CEP120: variants seen among roughly 807,000 people sequenced by gnomAD.
CEP120 encodes the protein centrosomal protein of 120 kDa.
A neutral mutation model predicts 126.5 loss-of-function variants in CEP120; 113 were observed. The ratio of observed to expected loss-of-function variants is 0.89; its 90% CI spans 0.77 to 1.04. The LOEUF is 1.04. Ranked by LOEUF, CEP120 falls within the 50% of genes least tolerant of loss-of-function variation. CEP120 has a pLI of 0.00. For synonymous variants in CEP120, 400 were observed against 394.3 expected, an observed-to-expected ratio of 1.01 and a Z score of -0.17; for missense variants, 1,230 against 1,155.7, an observed-to-expected ratio of 1.06 and a Z score of -0.93.
Position 123,352,722 on chromosome 5 carries a change from G to A in CEP120, c.2581-2633C>T, listed in dbSNP as rs77252460. Among the ~76,000 whole-genome samples, 281 of 152,046 alleles carry A rather than the reference G, an allele frequency of 1.8e-3. 1 individual carries two copies. Among genetic ancestry groups the A allele is most frequent in the South Asian group, 0.011 (51 of 4,830 alleles). On this transcript the variant is annotated intron_variant, in intron 18 of 19. Transcript: ENST00000306467. ...TTTCTAAGGCTAAAAAAAACCTGCT[G>A]AGATTTTATGATGATTATATTGAAT...
chr5:123,371,598 A>G (rs1310339334), intron 17 of CEP120, among the ~76,000 whole-genome samples: 1 of 152,118 alleles, frequency 6.6e-6, no homozygotes, highest in Non-Finnish European at 1.5e-5. Flanking sequence ...TCTGTTGTCC[A>G]GTGAACTAGA....
chr5:123,416,118 C>T lies in CEP120; in HGVS notation c.213G>A (p.Gln71=), dbSNP rs1276747636. The change falls in exon 3 of 20, where the codon CAG becomes CAA. Residue 71 remains glutamine (Q), a synonymous_variant. Transcript: ENST00000306467. ...DRKALHQHRL[Q]RTPIKLQCFA... Reference sequence around the variant, plus strand: ...AACATTGGAGTTTGATAGGAGTACGCTGTAGCCTATAACAAAACATGTGAT... The same window carrying T: ...AACATTGGAGTTTGATAGGAGTACGTTGTAGCCTATAACAAAACATGTGAT... 10 of 1,597,564 alleles carry T rather than the reference C, an allele frequency of 6.3e-6. No individual in the cohort carries two copies. The highest frequency in any genetic ancestry group is 1.7e-4 in the Middle Eastern group (1 of 6,020).
In CEP120 at chr5:123,372,604, A is replaced by G. The variant is rs745472970; in HGVS notation, c.2481+46T>C. 3 of 1,559,268 alleles carry G rather than the reference A, an allele frequency of 1.9e-6. No homozygotes were observed. In the South Asian group the frequency reaches 3.4e-5, roughly 17 times the overall value. On this transcript the variant is annotated intron_variant, in intron 17 of 19. Transcript: ENST00000306467. Reference sequence around the variant, plus strand: ...TACACATTATTGATTGATTTTATAAATTAATCACTGGGACTAGTTAAACTG... The same window carrying G: ...TACACATTATTGATTGATTTTATAAGTTAATCACTGGGACTAGTTAAACTG...
In CEP120 at chr5:123,386,670, AGAATT is replaced by A; in HGVS notation, c.1431-8_1431-4del. 1.1e-6 allele frequency: 1 copy of A among 879,792 alleles called. No individual in the cohort carries two copies. Among genetic ancestry groups the A allele is most frequent in the African/African-American group, 2.0e-5 (1 of 49,830 alleles). 54.5% of individuals were successfully genotyped at this position (879,792 alleles called of 1,614,324 possible). On this transcript the variant is annotated splice_polypyrimidine_tract_variant and splice_region_variant and intron_variant, in intron 9 of 19. Transcript: ENST00000306467. The stretch of plus-strand genomic sequence containing the variant: ...TTCCAAAGAATGGATATGAGTACCT[AGAATT>A]TAAAAAAAAAAAAAAAAAAAAAAGC...
chr5:123,423,673 T>A (rs568140882), upstream of CEP120: 1 of 151,988 alleles, frequency 6.6e-6, no homozygotes, highest in South Asian at 2.1e-4. Context: ...AACCTGAGAG[T>A]TATATTAGTG....
intron 4 of CEP120, among the ~76,000 whole-genome samples, chr5:123,406,830 T>C (rs1405878367): frequency 6.6e-6 from 1 of 151,932 alleles, no homozygotes; most frequent in Non-Finnish European, 1.5e-5. Context: ...ACTTTTATTT[T>C]TTATTCTTAA....
intron 16 of CEP120, 90 bp downstream of exon 16, chr5:123,377,284 T>C (rs1280573103): frequency 2.5e-5 from 30 of 1,206,732 alleles, no homozygotes; most frequent in Non-Finnish European, 3.5e-5. Context: ...CTATGAATTT[T>C]ACCACTTTTT....
rs962696956 is a variant in CEP120, at chr5:123,418,578, A to G, written c.50-63T>C. The G allele has an allele frequency of 2.2e-6, 3 of 1,352,300 alleles. No individual in the cohort carries two copies. The Admixed American group carries it at 7.5e-5, about 34-fold the overall frequency. 83.8% of individuals were successfully genotyped at this position (1,352,300 alleles called of 1,614,324 possible). ...CAAAAATCAAACAGGATCATTTACC[A>G]TGTGTTTTTTTGTTTGGCTGGTTTT... On this transcript the variant is annotated intron_variant, in intron 1 of 19. Coordinates refer to ENST00000306467, the MANE Select transcript of CEP120 (RefSeq NM_001375405.1).
At chr5:123,420,672 A>G (rs1774656652) in intron 1 of CEP120, among the ~76,000 whole-genome samples, 1 of 152,236 alleles carries the variant, frequency 6.6e-6, no homozygotes, top group African/African-American at 2.4e-5. Flanking sequence ...CAGGGAGTAA[A>G]GGAGGAAGTC....
rs989167861 is a variant in CEP120, at chr5:123,378,382, A to G, written c.2150T>C (p.Ile717Thr). 8 of 1,608,366 alleles carry G rather than the reference A, an allele frequency of 5.0e-6. No individual in the cohort carries two copies. Among genetic ancestry groups the G allele is most frequent in the Middle Eastern group, 1.7e-4 (1 of 6,054 alleles). ...ILEGKLQKTLIDLEKREQQLA... is the reference protein window; with the variant it reads ...ILEGKLQKTLTDLEKREQQLA... The stretch of plus-strand genomic sequence containing the variant: ...CTGCTGCTCTCGCTTCTCCAAGTCA[A>G]TTAGAGTTTTTTGAAGTTTTCCTTC... Residue 717 changes from isoleucine (I) to threonine (T), a missense_variant, in exon 15 of 20, where the codon ATT becomes ACT. Ile to Thr is a moderately conservative substitution (Grantham distance 89). Coordinates refer to ENST00000306467, the MANE Select transcript of CEP120 (RefSeq NM_001375405.1).
In CEP120 at chr5:123,388,619, T is replaced by G; in HGVS notation, c.1256-13A>C. On this transcript the variant is annotated splice_polypyrimidine_tract_variant and intron_variant, in intron 8 of 19. Coordinates refer to ENST00000306467, the MANE Select transcript of CEP120 (RefSeq NM_001375405.1). ...ACAGAAGAACTGGCTGAAATGAACA[T>G]AAAATAAAACAAAATAATCACACTT... is the stretch of plus-strand genomic sequence containing the variant. 1 of 1,542,352 alleles carries G rather than the reference T, an allele frequency of 6.5e-7. No individual in the cohort carries two copies. The highest frequency in any genetic ancestry group is 8.7e-7 in the Non-Finnish European group (1 of 1,147,732).
Position 123,388,646 on chromosome 5 carries a change from C to A in CEP120, c.1256-40G>T, listed in dbSNP as rs376875065. The A allele has an allele frequency of 2.1e-6, 3 of 1,435,740 alleles. No homozygotes were observed. The Admixed American group carries it at 7.4e-5, about 35-fold the overall frequency. 88.9% of individuals were successfully genotyped at this position (1,435,740 alleles called of 1,614,324 possible). Reference sequence around the variant, plus strand: ...AAATAAAACAAAATAATCACACTTGCTAACAGTTTCTCTTAAATTGTACAG... The same window carrying A: ...AAATAAAACAAAATAATCACACTTGATAACAGTTTCTCTTAAATTGTACAG... On this transcript the variant is annotated intron_variant, in intron 8 of 19. Transcript: ENST00000306467.
chr5:123,357,865 ATCT>A (rs1296324088), intron 18 of CEP120, among the ~76,000 whole-genome samples: 1,585 of 152,266 alleles, frequency 0.01, 26 homozygotes, highest in African/African-American at 0.036. Context: ...AATTTAAGAC[ATCT>A]GACAATAGCC....
At chr5:123,349,166 C>G (rs1036815520) in intron 19 of CEP120, among the ~76,000 whole-genome samples, 2 of 152,160 alleles carry the variant, frequency 1.3e-5, no homozygotes, top group African/African-American at 4.8e-5. Context: ...GAACGCAGCA[C>G]TACAGAGAAG....
chr5:123,379,206 G>A (rs570572689), intron 14 of CEP120, among the ~76,000 whole-genome samples: 150 of 152,114 alleles, frequency 9.9e-4, no homozygotes, highest in African/African-American at 3.3e-3. Context: ...CCGTGAGGAC[G>A]TCTTAGCGCT....
At chr5:123,390,301 A>G (rs1183080953) in intron 7 of CEP120, 161 bp from the exon 8 acceptor site, 1 of 696,720 alleles carries the variant, frequency 1.4e-6, no homozygotes, top group East Asian at 2.8e-5. Context: ...TATAGCATCT[A>G]GGACCAGAAA....
chr5:123,417,847 C>T (rs1445236375), intron 2 of CEP120, among the ~76,000 whole-genome samples: 1 of 152,118 alleles, frequency 6.6e-6, no homozygotes, highest in Non-Finnish European at 1.5e-5. Context: ...CATCTCAGGC[C>T]TCGGTTTCCT....
intron 13 of CEP120, 63 bp downstream of exon 13, chr5:123,382,674 G>A (rs772859973): frequency 2.7e-5 from 40 of 1,468,752 alleles, no homozygotes; most frequent in South Asian, 5.2e-5. Flanking sequence ...ACCTTGCTAC[G>A]GAGAAGGAAA....
intron 18 of CEP120, among the ~76,000 whole-genome samples, chr5:123,355,335 G>C (rs928384606): frequency 1.2e-4 from 19 of 152,250 alleles, no homozygotes; most frequent in African/African-American, 4.1e-4. Flanking sequence ...GGTATTTCTA[G>C]TTCCAGATCC....
Sources: gnomAD v4.1 joint callset for allele counts (sites outside exome capture counted in the v4.1 genomes callset) on GRCh38, gnomAD v4.1.1 for gene constraint, MANE v1.5 for transcripts, NCBI Gene and HGNC (gene_info 2026-07-23, HGNC 2026-07-21) for gene names.